The following COL27A1 variants were observed in gnomAD, a reference collection of about 807,000 sequenced individuals.
COL27A1 encodes the protein collagen type XXVII alpha 1 chain.
In COL27A1, 106 loss-of-function variants were observed where a neutral mutation model predicts 251.3. That is an observed-to-expected ratio of 0.42 (90% CI 0.36 to 0.50). The LOEUF (loss-of-function observed/expected upper bound fraction) is 0.50. Ranked by LOEUF, COL27A1 falls within the 20% of genes least tolerant of loss-of-function variation. The pLI is 0.00. For synonymous variants in COL27A1, 1,000 were observed against 986.3 expected, an observed-to-expected ratio of 1.01 and a Z score of -0.26; for missense variants, 2,325 against 2,522.8, an observed-to-expected ratio of 0.92 and a Z score of 1.68.
chr9:114,175,341 G>A (rs1273203556), intron 3 of COL27A1, among the ~76,000 whole-genome samples: 1 of 152,240 alleles, frequency 6.6e-6, no homozygotes, highest in African/African-American at 2.4e-5. Flanking sequence ...AGAGTCACCC[G>A]CTCAGGCTTC....
chr9:114,260,758 G>C (rs963079366), intron 28 of COL27A1, among the ~76,000 whole-genome samples: 1 of 152,144 alleles, frequency 6.6e-6, no homozygotes. Flanking sequence ...AGGACTCTGG[G>C]GTCAGATGGG....
chr9:114,197,535 C>T (rs1041507699), intron 7 of COL27A1, among the ~76,000 whole-genome samples: 1 of 152,212 alleles, frequency 6.6e-6, no homozygotes, highest in African/African-American at 2.4e-5. Flanking sequence ...GGTCCCAGCT[C>T]ATAAAGCAGC....
Position 114,155,892 on chromosome 9 carries a change from C to T in COL27A1, c.-59C>T, listed in dbSNP as rs1848086590. 4.3e-6 allele frequency: 5 copies of T among 1,158,496 alleles called. No individual in the cohort carries two copies. Among genetic ancestry groups the T allele is most frequent in the Non-Finnish European group, 5.3e-6 (5 of 937,590 alleles). The allele number at this position is 1,158,496 out of a possible 1,614,324, so 71.8% of individuals were successfully genotyped here. A position where few individuals can be genotyped will look rare whatever the true frequency, so the allele number is the denominator to read the frequency against. The stretch of plus-strand genomic sequence containing the variant: ...CGCGGCGGGGCGGGGGGCTGGCGGC[C>T]CCATGGGGCGCGCCCACACTTGCCC... On this transcript the variant is annotated 5_prime_UTR_variant, in exon 1 of 61. Coordinates refer to ENST00000356083, the MANE Select transcript of COL27A1 (RefSeq NM_032888.4). This position sits in a 1 kb window ranked among gnomAD's most constrained non-coding sequence, Gnocchi z 5.5.
chr9:114,237,734 C>A lies in COL27A1; in HGVS notation c.2727+19C>A, dbSNP rs1274665399. On this transcript the variant is annotated intron_variant, in intron 19 of 60. Transcript: ENST00000356083. ...ACCCGAGGTATGTGATGCCCCATTT[C>A]TCCGTGTCTGGCTGCTGCTGGGACT... The A allele has an allele frequency of 6.2e-7, 1 of 1,607,902 alleles. No homozygotes were observed. The highest frequency in any genetic ancestry group is 1.7e-5 in the Admixed American group (1 of 60,012).
intron 2 of COL27A1, among the ~76,000 whole-genome samples, chr9:114,163,644 G>A (rs553532935): frequency 2.0e-5 from 3 of 152,314 alleles, no homozygotes; most frequent in South Asian, 4.1e-4. Flanking sequence ...CGCCCAGCCC[G>A]TGTGCTGGGG....
chr9:114,196,894 C>G (rs1439186625), intron 7 of COL27A1, among the ~76,000 whole-genome samples: 1 of 152,160 alleles, frequency 6.6e-6, no homozygotes, highest in Non-Finnish European at 1.5e-5. Context: ...AGGAAGTCCT[C>G]CTGGAGCACC....
In COL27A1 at chr9:114,202,387, G is replaced by T. The variant is rs371709037; in HGVS notation, c.2125-2715G>T. ...GGATCTTTGCAGGCAGGTAGAATAC[G>T]GCAGAGTGAGCTTCAGAGAGGATAA... On this transcript the variant is annotated intron_variant, in intron 7 of 60. Transcript: ENST00000356083. 5.6e-4 allele frequency among the ~76,000 whole-genome samples: 86 copies of T among 152,258 alleles called. 1 individual carries two copies. In the South Asian group the frequency reaches 0.015, roughly 26 times the overall value.
intron 7 of COL27A1, among the ~76,000 whole-genome samples, chr9:114,197,316 C>A (rs1313166105): frequency 2.0e-5 from 3 of 152,152 alleles, no homozygotes; most frequent in Non-Finnish European, 4.4e-5. Context: ...CCTTGCAGGA[C>A]CTCGTTCCCC....
intron 1 of COL27A1, among the ~76,000 whole-genome samples, chr9:114,157,106 A>AGCGCG (rs1848175938): frequency 4.1e-4 from 61 of 147,946 alleles, no homozygotes; most frequent in African/African-American, 1.3e-3. Flanking sequence ...ACACACACAT[A>AGCGCG]CGCGCGCGCG....
chr9:114,263,724 G>T (rs117965295), intron 28 of COL27A1, among the ~76,000 whole-genome samples: 1 of 152,238 alleles, frequency 6.6e-6, no homozygotes, highest in Non-Finnish European at 1.5e-5. Context: ...CTGTGTCAGG[G>T]GTCAGGCCTG....
chr9:114,257,111 T>TGGGTTCACACCCCTCAAAGCC (rs1176429914), intron 27 of COL27A1, among the ~76,000 whole-genome samples: 2 of 152,140 alleles, frequency 1.3e-5, no homozygotes, highest in African/African-American at 4.8e-5. Flanking sequence ...TGATAGCGGC[T>TGGGTTCACACCCCTCAAAGCC]GGGTTCACAC....
intron 27 of COL27A1, among the ~76,000 whole-genome samples, chr9:114,253,295 A>AAAAGAAAGAAAGAAAGGAAGAAAGAAAG (rs1554816664): frequency 1.4e-5 from 2 of 140,252 alleles, no homozygotes; most frequent in African/African-American, 2.9e-5. Context: ...GAGACAGAGA[A>AAAAGAAAGAAAGAAAGGAAGAAAGAAAG]AAAGAAAGAA....
intron 25 of COL27A1, 134 bp downstream of exon 25, chr9:114,250,802 T>C: frequency 4.1e-6 from 3 of 740,206 alleles, no homozygotes; most frequent in Non-Finnish European, 7.0e-6. Context: ...GCATTCTGAG[T>C]CTGCCAAGAG....
intron 49 of COL27A1, among the ~76,000 whole-genome samples, chr9:114,292,490 C>T (rs72764535): frequency 4.5e-3 from 680 of 152,288 alleles, no homozygotes; most frequent in Non-Finnish European, 6.8e-3. Context: ...TCCTGACTCC[C>T]AGTCCAGTGC....
At chr9:114,192,415 G>A (rs1361702821) in intron 5 of COL27A1, among the ~76,000 whole-genome samples, 1 of 152,190 alleles carries the variant, frequency 6.6e-6, no homozygotes, top group African/African-American at 2.4e-5. Context: ...GTGGGAGGGT[G>A]TCCGGGAGGA....
chr9:114,270,858 C>A, intron 36 of COL27A1, 77 bp downstream of exon 36: 1 of 1,079,122 alleles, frequency 9.3e-7, no homozygotes, highest in South Asian at 1.3e-5. Context: ...AGTCTCCTCC[C>A]AGAAACACTG....
chr9:114,221,406 G>A (rs1831103857), intron 13 of COL27A1, among the ~76,000 whole-genome samples: 1 of 152,200 alleles, frequency 6.6e-6, no homozygotes, highest in African/African-American at 2.4e-5. Flanking sequence ...CGGCAGGGAT[G>A]TCTTTATGCT....
chr9:114,195,892 T>G, intron 6 of COL27A1, 67 bp from the exon 7 acceptor site: 1 of 1,187,236 alleles, frequency 8.4e-7, no homozygotes, highest in Non-Finnish European at 1.3e-6. Flanking sequence ...CATTCCAATT[T>G]GTAGAGTGTA....
At chr9:114,212,749 C>G (rs1022475882) in intron 12 of COL27A1, among the ~76,000 whole-genome samples, 2 of 152,162 alleles carry the variant, frequency 1.3e-5, no homozygotes, top group African/African-American at 4.8e-5. Context: ...CTCATAAGAC[C>G]ATTGTGCTTG....
Sources: allele counts gnomAD v4.1 joint callset (sites outside exome capture counted in the v4.1 genomes callset), GRCh38; gene constraint gnomAD v4.1.1; non-coding constraint Gnocchi (gnomAD v3.1); transcripts MANE v1.5; gene names NCBI Gene and HGNC (gene_info 2026-07-23, HGNC 2026-07-21).